ICAM2: variants seen among roughly 807,000 people sequenced by gnomAD.
The protein encoded by ICAM2 is intercellular adhesion molecule 2.
ICAM2 carries 14 observed loss-of-function variants against 19.1 expected under a neutral mutation model. The observed-to-expected ratio is 0.73, with a 90% CI of 0.48 to 1.15. The LOEUF (loss-of-function observed/expected upper bound fraction) is 1.15. Among genes scored for constraint, ICAM2 ranks in the 50% most tolerant of loss-of-function variants. The pLI is 0.00. For missense variants in ICAM2, 311 were observed against 355.4 expected, an observed-to-expected ratio of 0.88 and a Z score of 1.00; for synonymous variants, 153 against 152.7, an observed-to-expected ratio of 1.00 and a Z score of -0.01.
Position 64,002,830 on chromosome 17 carries a change from CG to C in ICAM2, c.744del (p.Phe248LeufsTer46), listed in dbSNP as rs1327426180. On this transcript the variant is annotated frameshift_variant, in exon 5 of 5. Coordinates refer to ENST00000579788, the MANE Select transcript of ICAM2 (RefSeq NM_001099789.2). LOFTEE classifies it low-confidence loss of function (END_TRUNC). ...ATCCGCTGCTGGCGCAAGTGCTGGC[CG>C]AAGATGAAGCAGAGCAGGACAGATG... ...FVTSVLLCFI[F>X]GQHLRQQRMG... The C allele has an allele frequency of 1.5e-5, 25 of 1,613,768 alleles. No individual in the cohort carries two copies. The highest frequency in any genetic ancestry group is 1.9e-5 in the Non-Finnish European group (22 of 1,179,990).
At position 64,005,291 on chromosome 17, in the gene ICAM2, G is replaced by C; in HGVS notation, c.144C>G (p.Cys48Trp). 1 of 1,614,130 alleles carries C rather than the reference G, an allele frequency of 6.2e-7. No homozygotes were observed. The highest frequency in any genetic ancestry group is 1.7e-5 in the Admixed American group (1 of 60,024). ...VEPKGSLEVN[C>W]STTCNQPEVG... ...CTTCAGGCTGGTTACAGGTGGTGCT[G>C]CAGTTGACCTCGAGGGACCCTTTGG... The change falls in exon 3 of 5, where the codon TGC (cysteine) becomes TGG (tryptophan). Residue 48 changes from cysteine (C) to tryptophan (W), a missense_variant. Cys to Trp is a radical substitution (Grantham distance 215). Transcript: ENST00000579788.
In ICAM2 at chr17:64,003,896, C is replaced by T. The variant is rs941334162; in HGVS notation, c.397G>A (p.Glu133Lys). Residue 133 changes from glutamate (E) to lysine (K), a missense_variant, in exon 4 of 5, where the codon GAG (glutamate) becomes AAG (lysine). By Grantham distance (56) the Glu-to-Lys change is moderately conservative. Coordinates refer to ENST00000579788, the MANE Select transcript of ICAM2 (RefSeq NM_001099789.2). ...GGCTCCACGGTGGGCACCCTGCACTCAATGGTGAAGGACTTGCCCACAGCC... is the reference window on the plus strand; with the variant it reads ...GGCTCCACGGTGGGCACCCTGCACTTAATGGTGAAGGACTTGCCCACAGCC... ...LVAVGKSFTIECRVPTVEPLD... is the reference protein window; with the variant it reads ...LVAVGKSFTIKCRVPTVEPLD... 4.3e-6 allele frequency: 7 copies of T among 1,614,040 alleles called. No homozygotes were observed. The African/African-American group carries it at 8.0e-5, about 18-fold the overall frequency.
At chr17:64,011,644 A>G (rs2143222498) in intron 1 of ICAM2, among the ~76,000 whole-genome samples, 1 of 151,924 alleles carries the variant, frequency 6.6e-6, no homozygotes, top group African/African-American at 2.4e-5. Context: ...CATGTCTGTA[A>G]TCCTAATACT....
intron 1 of ICAM2, among the ~76,000 whole-genome samples, chr17:64,008,666 C>T (rs1453397168): frequency 1.3e-5 from 2 of 152,118 alleles, no homozygotes; most frequent in African/African-American, 2.4e-5. Context: ...GAAGCCCGCC[C>T]GAGCAGGCGC....
chr17:64,003,664 G>C lies in ICAM2; in HGVS notation c.629C>G (p.Pro210Arg), dbSNP rs538353983. 8 of 1,613,830 alleles carry C rather than the reference G, an allele frequency of 5.0e-6. No homozygotes were observed. In the Admixed American group the frequency reaches 8.3e-5, roughly 17 times the overall value. The change falls in exon 4 of 5, where the codon CCG becomes CGG. Residue 210 changes from proline to arginine, a missense_variant. Physicochemically the swap from Pro to Arg is moderately radical, Grantham distance 103. Coordinates refer to ENST00000579788, the MANE Select transcript of ICAM2 (RefSeq NM_001099789.2). ...CTCACCATAGATCTCCAACATCTTC[G>C]GGGCTGAGTGTTTGTGAAAGATGTT... The part of the protein sequence containing the change: ...GGNIFHKHSA[P>R]KMLEIYEPVS...
In ICAM2 at chr17:64,003,698, G is replaced by C. The variant is rs760476250; in HGVS notation, c.595C>G (p.Arg199Gly). 6.2e-7 allele frequency: 1 copy of C among 1,614,176 alleles called. No individual in the cohort carries two copies. The change falls in exon 4 of 5, where the codon CGC becomes GGC. Residue 199 changes from arginine (R) to glycine (G), a missense_variant. By Grantham distance (125) the Arg-to-Gly change is moderately radical. Coordinates refer to ENST00000579788, the MANE Select transcript of ICAM2 (RefSeq NM_001099789.2). ...TGTTTGTGAAAGATGTTGCCACCGC[G>C]AGACATCAAGTCCAGCACAGCCAGG... ...SCLAVLDLMS[R>G]GGNIFHKHSA...
At chr17:64,018,753 G>A (rs547050972) in intron 1 of ICAM2, among the ~76,000 whole-genome samples, 5 of 108,142 alleles carry the variant, frequency 4.6e-5, no homozygotes, top group East Asian at 2.8e-4. Context: ...ACGGGGTCTC[G>A]TTGTGTCGCC....
chr17:64,006,418 A>G (rs1054284469), intron 2 of ICAM2: 2 of 527,902 alleles, frequency 3.8e-6, no homozygotes. Flanking sequence ...TGGGAGGATC[A>G]CCCGAGCCCA....
At chr17:64,019,245 T>A (rs2331410) in intron 1 of ICAM2, among the ~76,000 whole-genome samples, 1 of 152,128 alleles carries the variant, frequency 6.6e-6, no homozygotes, top group Non-Finnish European at 1.5e-5. Context: ...CATAGCCAGG[T>A]GCAGCAGTTC....
chr17:64,014,022 T>C (rs1598024707), intron 1 of ICAM2, among the ~76,000 whole-genome samples: 1 of 152,254 alleles, frequency 6.6e-6, no homozygotes, highest in African/African-American at 2.4e-5. Flanking sequence ...TTTGACAGTT[T>C]AAAAACATAA....
chr17:64,012,591 T>C (rs1911500026), intron 1 of ICAM2, among the ~76,000 whole-genome samples: 1 of 152,032 alleles, frequency 6.6e-6, no homozygotes, highest in African/African-American at 2.4e-5. Flanking sequence ...CACAGCAAAA[T>C]TCTGTTTCAA....
intron 2 of ICAM2, among the ~76,000 whole-genome samples, chr17:64,005,662 C>T (rs1383714761): frequency 6.6e-6 from 1 of 152,156 alleles, no homozygotes; most frequent in East Asian, 1.9e-4. Flanking sequence ...CCAGATTAGT[C>T]TTCCTCAGGC....
intron 1 of ICAM2, among the ~76,000 whole-genome samples, chr17:64,016,804 C>T (rs1363885264): frequency 6.6e-6 from 1 of 152,166 alleles, no homozygotes; most frequent in Non-Finnish European, 1.5e-5. Flanking sequence ...AGTCCTTGCT[C>T]CAGCCTCTGC....
intron 1 of ICAM2, among the ~76,000 whole-genome samples, chr17:64,010,431 G>A (rs954323860): frequency 2.6e-5 from 4 of 151,942 alleles, no homozygotes; most frequent in Non-Finnish European, 4.4e-5. Flanking sequence ...TGAGGGGAGG[G>A]GAGATTAGAG....
Position 64,002,867 on chromosome 17 carries a change from G to C in ICAM2, c.708C>G (p.Ser236=), listed in dbSNP as rs747725920. The C allele has an allele frequency of 6.2e-7, 1 of 1,613,894 alleles. No individual in the cohort carries two copies. Among genetic ancestry groups the C allele is most frequent in the African/African-American group, 1.3e-5 (1 of 75,016 alleles). ...AGAGCAGGACAGATGTCACGAACAG[G>C]GACAGCAACACCGACACCACCGTGA... ...IIVTVVSVLL[S]LFVTSVLLCF... Residue 236 remains serine (S), a synonymous_variant, in exon 5 of 5, where the codon TCC becomes TCG. Transcript: ENST00000579788.
chr17:64,007,007 CAG>C, intron 1 of ICAM2: 1 of 349,312 alleles, frequency 2.9e-6, no homozygotes, highest in Non-Finnish European at 5.3e-6. Context: ...GACGTGTGCA[CAG>C]GGGAGAGTCA....
In ICAM2 at chr17:64,005,258, A is replaced by C. The variant is rs1598017976; in HGVS notation, c.177T>G (p.Gly59=). 1 of 1,614,056 alleles carries C rather than the reference A, an allele frequency of 6.2e-7. No individual in the cohort carries two copies. The change falls in exon 3 of 5, where the codon GGT becomes GGG. Residue 59 remains glycine (G), a synonymous_variant. Coordinates refer to ENST00000579788, the MANE Select transcript of ICAM2 (RefSeq NM_001099789.2). ...GAATCTTATCTAGAGAGGTCTCCAG[A>C]CCACCCACTTCAGGCTGGTTACAGG... The part of the protein sequence containing the change: ...STTCNQPEVG[G]LETSLDKILL...
In ICAM2 at chr17:64,011,334, C is replaced by T. The variant is rs552317566; in HGVS notation, c.-44-4599G>A. On this transcript the variant is annotated intron_variant, in intron 1 of 4. Coordinates refer to ENST00000579788, the MANE Select transcript of ICAM2 (RefSeq NM_001099789.2). ...AAAAGTAGCTGGGCGTAGTGGCACACGCCTGTAGTCTCAGCTCCTCGGGAG... is the reference window on the plus strand; with the variant it reads ...AAAAGTAGCTGGGCGTAGTGGCACATGCCTGTAGTCTCAGCTCCTCGGGAG... Among the ~76,000 whole-genome samples the T allele has an allele frequency of 1.2e-4, 19 of 152,286 alleles. No individual in the cohort carries two copies. In the South Asian group the frequency reaches 1.9e-3, roughly 15 times the overall value.
At chr17:64,013,527 A>G (rs1409719657) in intron 1 of ICAM2, among the ~76,000 whole-genome samples, 1 of 152,036 alleles carries the variant, frequency 6.6e-6, no homozygotes, top group African/African-American at 2.4e-5. Context: ...ATACTAAAAC[A>G]CAAAGCTCAG....
Sources: gnomAD v4.1 joint callset for allele counts (sites outside exome capture counted in the v4.1 genomes callset) on GRCh38, gnomAD v4.1.1 for gene constraint, MANE v1.5 for transcripts, NCBI Gene and HGNC (gene_info 2026-07-23, HGNC 2026-07-21) for gene names.